The following GALNT13 variants were observed in gnomAD, a reference collection of about 807,000 sequenced individuals.
The protein encoded by GALNT13 is polypeptide N-acetylgalactosaminyltransferase 13.
A neutral mutation model predicts 64.2 loss-of-function variants in GALNT13; 28 were observed. The observed-to-expected ratio is 0.44, with a 90% CI of 0.32 to 0.60. The LOEUF is 0.60. Ranked by LOEUF, GALNT13 falls within the 20% of genes least tolerant of loss-of-function variation. GALNT13 has a pLI of 0.05. For synonymous variants in GALNT13, 214 were observed against 224.6 expected (o/e 0.95, Z 0.42); for missense variants, 577 against 669.8 (o/e 0.86, Z 1.53).
chr2:153,524,471 C>T, the GALNT13 span, among the ~76,000 whole-genome samples: 1 of 152,030 alleles, frequency 6.6e-6, no homozygotes, highest in African/African-American at 2.4e-5. Context: ...CAGTGCATGG[C>T]TTTAGCTTCA....
chr2:154,384,461 T>C (rs1698414479), intron 9 of GALNT13, among the ~76,000 whole-genome samples: 1 of 151,878 alleles, frequency 6.6e-6, no homozygotes, highest in Non-Finnish European at 1.5e-5. Flanking sequence ...CTGCCATCAA[T>C]TGAAAGATCA....
chr2:154,191,158 T>A (rs1328498281), intron 4 of GALNT13, among the ~76,000 whole-genome samples: 1 of 152,238 alleles, frequency 6.6e-6, no homozygotes, highest in African/African-American at 2.4e-5. Context: ...CCTGCTCTAA[T>A]GAGGTGTTTT....
intron 3 of GALNT13, among the ~76,000 whole-genome samples, chr2:153,976,445 C>T (rs916779893): frequency 7.9e-5 from 12 of 151,994 alleles, no homozygotes; most frequent in African/African-American, 2.7e-4. Flanking sequence ...AAATTTCAAG[C>T]CTTATAATAA....
chr2:153,988,877 C>T (rs1194932064), intron 3 of GALNT13, among the ~76,000 whole-genome samples: 2 of 151,796 alleles, frequency 1.3e-5, no homozygotes, highest in Non-Finnish European at 2.9e-5. Context: ...GCCAAGTAAA[C>T]AGTAAATGCC....
At chr2:153,836,521 ATTATACT>A in the GALNT13 span, among the ~76,000 whole-genome samples, 1 of 150,112 alleles carries the variant, frequency 6.7e-6, no homozygotes, top group Admixed American at 6.6e-5. Flanking sequence ...TTTTATATTT[ATTATACT>A]TTAAGTTTTA....
At chr2:153,972,574 G>A (rs954691021) in intron 3 of GALNT13, among the ~76,000 whole-genome samples, 7 of 151,938 alleles carry the variant, frequency 4.6e-5, no homozygotes, top group African/African-American at 1.4e-4. Flanking sequence ...ATAATTTGCA[G>A]TCATTACTTC....
At chr2:154,367,859 C>T (rs933436712) in intron 9 of GALNT13, among the ~76,000 whole-genome samples, 3 of 152,022 alleles carry the variant, frequency 2.0e-5, no homozygotes, top group Non-Finnish European at 2.9e-5. Context: ...GGAACAAAAG[C>T]AGTTAAGGAT....
At chr2:153,090,672 A>G in the GALNT13 span, among the ~76,000 whole-genome samples, 1 of 152,186 alleles carries the variant, frequency 6.6e-6, no homozygotes, top group Non-Finnish European at 1.5e-5. Context: ...GGGAAGGGCC[A>G]TAAAGCTCCA....
the GALNT13 span, among the ~76,000 whole-genome samples, chr2:153,703,777 G>C: frequency 3.0e-4 from 46 of 152,088 alleles, no homozygotes; most frequent in African/African-American, 1.1e-3. Flanking sequence ...TGGAAAAATA[G>C]CTCATAGATA....
chr2:153,977,482 C>T (rs1275402555), intron 3 of GALNT13, among the ~76,000 whole-genome samples: 1 of 152,140 alleles, frequency 6.6e-6, no homozygotes, highest in Admixed American at 6.5e-5. Context: ...ATAAAACCAT[C>T]AGATCCCGTG....
intron 8 of GALNT13, among the ~76,000 whole-genome samples, chr2:154,268,354 A>T (rs1389555475): frequency 6.6e-6 from 1 of 152,230 alleles, no homozygotes; most frequent in South Asian, 2.1e-4. Context: ...ATAAAATTTT[A>T]GTAAATGCAA....
chr2:153,193,692 C>T, the GALNT13 span, among the ~76,000 whole-genome samples: 1 of 150,962 alleles, frequency 6.6e-6, no homozygotes, highest in Non-Finnish European at 1.5e-5. Flanking sequence ...TCCTCATTTG[C>T]GTGTTTTACA....
intron 9 of GALNT13, among the ~76,000 whole-genome samples, chr2:154,335,821 G>T (rs530895002): frequency 3.3e-5 from 5 of 152,046 alleles, no homozygotes; most frequent in Middle Eastern, 6.8e-3. Flanking sequence ...TTCTTAACAT[G>T]TAAATTACTA....
the GALNT13 span, among the ~76,000 whole-genome samples, chr2:153,805,788 T>G: frequency 6.6e-6 from 1 of 152,060 alleles, no homozygotes; most frequent in Non-Finnish European, 1.5e-5. Context: ...ATTTACTAAT[T>G]CTGTAATTCA....
intron 4 of GALNT13, among the ~76,000 whole-genome samples, chr2:154,201,001 A>G (rs1303540144): frequency 6.6e-6 from 1 of 152,128 alleles, no homozygotes; most frequent in Non-Finnish European, 1.5e-5. Context: ...TTAAGAAAAT[A>G]CTTTTGGAAT....
chr2:154,454,249 C>T (rs189556923), downstream of GALNT13, among the ~76,000 whole-genome samples: 1 of 152,158 alleles, frequency 6.6e-6, no homozygotes, highest in East Asian at 1.9e-4. Flanking sequence ...TGTAATATAA[C>T]TTTTCTAAGG....
At chr2:154,087,621 A>G (rs1278573200) in intron 3 of GALNT13, among the ~76,000 whole-genome samples, 1 of 152,104 alleles carries the variant, frequency 6.6e-6, no homozygotes, top group East Asian at 1.9e-4. Flanking sequence ...GTAGTCTTCA[A>G]CTATATCTGC....
chr2:153,505,505 G>A, the GALNT13 span, among the ~76,000 whole-genome samples: 2 of 152,072 alleles, frequency 1.3e-5, no homozygotes, highest in Admixed American at 1.3e-4. Flanking sequence ...GGCATTTAAT[G>A]CTATGAATTT....
At chr2:153,276,057 A>G in the GALNT13 span, among the ~76,000 whole-genome samples, 22,735 of 152,172 alleles carry the variant, frequency 0.15, 2,113 homozygotes, top group Non-Finnish European at 0.21. Flanking sequence ...AGCATTTTTC[A>G]TATTTGTAAA....
Sources: allele counts gnomAD v4.1 joint callset (sites outside exome capture counted in the v4.1 genomes callset), GRCh38; gene constraint gnomAD v4.1.1; transcripts MANE v1.5; gene names NCBI Gene and HGNC (gene_info 2026-07-23, HGNC 2026-07-21).